SSBP2: variants seen among roughly 807,000 people sequenced by gnomAD.
SSBP2 encodes single-stranded DNA-binding protein 2.
A neutral mutation model predicts 61.8 loss-of-function variants in SSBP2; 17 were observed. The ratio of observed to expected loss-of-function variants is 0.28; its 90% CI spans 0.19 to 0.41. SSBP2 has a LOEUF of 0.41. SSBP2 is among the 10% of genes least tolerant of loss of function. The pLI is 1.00. For synonymous variants in SSBP2, 139 were observed against 141.3 expected (o/e 0.98, Z 0.12); for missense variants, 310 against 458.7 (o/e 0.68, Z 2.96).
intron 4 of SSBP2, among the ~76,000 whole-genome samples, chr5:81,567,207 C>T (rs935865229): frequency 6.6e-6 from 1 of 152,190 alleles, no homozygotes; most frequent in African/African-American, 2.4e-5. Context: ...CATCACAGGC[C>T]CAGAGGCCAA....
intron 1 of SSBP2, among the ~76,000 whole-genome samples, chr5:81,656,376 T>C (rs1448715662): frequency 6.6e-6 from 1 of 152,066 alleles, no homozygotes; most frequent in Non-Finnish European, 1.5e-5. Context: ...AAAAAATACA[T>C]AAAAGTGTTC....
intron 1 of SSBP2, among the ~76,000 whole-genome samples, chr5:81,671,190 T>C (rs1218240965): frequency 6.6e-6 from 1 of 152,212 alleles, no homozygotes; most frequent in African/African-American, 2.4e-5. Flanking sequence ...CCTCTGATTT[T>C]AGAGGATAGA....
chr5:81,592,196 T>A (rs2973344), intron 4 of SSBP2, among the ~76,000 whole-genome samples: 16 of 152,090 alleles, frequency 1.1e-4, no homozygotes, highest in African/African-American at 2.7e-4. Context: ...TATCCCGCAC[T>A]TGGCTCGGAG....
intron 10 of SSBP2, among the ~76,000 whole-genome samples, chr5:81,457,975 T>C (rs907607956): frequency 1.3e-5 from 2 of 152,144 alleles, no homozygotes; most frequent in African/African-American, 4.8e-5. Flanking sequence ...AACCACAAAA[T>C]TACTTCTGTA....
chr5:81,526,181 A>C (rs1010406925), intron 4 of SSBP2, among the ~76,000 whole-genome samples: 1 of 152,068 alleles, frequency 6.6e-6, no homozygotes, highest in African/African-American at 2.4e-5. Flanking sequence ...AATTTACAGA[A>C]ATTAAACTCA....
chr5:81,469,170 C>T (rs1166429246), intron 8 of SSBP2, among the ~76,000 whole-genome samples: 3 of 151,884 alleles, frequency 2.0e-5, no homozygotes, highest in Admixed American at 1.3e-4. Context: ...GTTGCCACTG[C>T]CCCATTGCCT....
intron 11 of SSBP2, 119 bp from the exon 12 acceptor site, chr5:81,447,041 TTTA>T: frequency 1.5e-6 from 1 of 662,346 alleles, no homozygotes. Flanking sequence ...TTTTCTCTAA[TTTA>T]TTTTCTTTGA....
At chr5:81,483,383 G>A (rs569897184) in intron 6 of SSBP2, among the ~76,000 whole-genome samples, 20 of 152,236 alleles carry the variant, frequency 1.3e-4, no homozygotes, top group Admixed American at 1.3e-4. Context: ...TTCACTCATG[G>A]AGACTAAATG....
At chr5:81,518,640 G>C (rs1356140772) in intron 4 of SSBP2, among the ~76,000 whole-genome samples, 2 of 152,008 alleles carry the variant, frequency 1.3e-5, no homozygotes, top group Non-Finnish European at 2.9e-5. Context: ...TAAGACATAA[G>C]CCATCTGTAG....
intron 4 of SSBP2, among the ~76,000 whole-genome samples, chr5:81,515,808 A>G (rs1317447168): frequency 6.6e-6 from 1 of 151,810 alleles, no homozygotes; most frequent in Non-Finnish European, 1.5e-5. Flanking sequence ...ATTACGTAAA[A>G]GCAAAACAAA....
At chr5:81,637,488 C>T (rs1352313890) in intron 2 of SSBP2, among the ~76,000 whole-genome samples, 2 of 152,218 alleles carry the variant, frequency 1.3e-5, no homozygotes, top group Non-Finnish European at 2.9e-5. Flanking sequence ...TGATACATCA[C>T]TTCAAATATC....
chr5:81,599,499 T>C (rs1744129414), intron 4 of SSBP2, among the ~76,000 whole-genome samples: 1 of 152,218 alleles, frequency 6.6e-6, no homozygotes, highest in East Asian at 1.9e-4. Flanking sequence ...CAACAGACAG[T>C]AGTCACAGTC....
chr5:81,751,659 G>C (rs1409299847), upstream of SSBP2: 1 of 154,484 alleles, frequency 6.5e-6, no homozygotes, highest in African/African-American at 2.4e-5. Flanking sequence ...ACCCCGCGCC[G>C]GTACCCACGA....
intron 6 of SSBP2, among the ~76,000 whole-genome samples, chr5:81,479,322 G>A (rs994253012): frequency 1.3e-5 from 2 of 151,592 alleles, no homozygotes; most frequent in Non-Finnish European, 2.9e-5. Context: ...ACGGTGTCTC[G>A]CTCTGTCACC....
intron 4 of SSBP2, among the ~76,000 whole-genome samples, chr5:81,574,994 G>T (rs1774096800): frequency 6.6e-6 from 1 of 152,226 alleles, no homozygotes; most frequent in African/African-American, 2.4e-5. Context: ...CTCAGACCGG[G>T]TGCAGTAGCT....
At chr5:81,555,222 T>A (rs1772504480) in intron 4 of SSBP2, among the ~76,000 whole-genome samples, 1 of 152,072 alleles carries the variant, frequency 6.6e-6, no homozygotes, top group African/African-American at 2.4e-5. Flanking sequence ...TAAAAATAAA[T>A]CACTAATATA....
At position 81,575,129 on chromosome 5, in the gene SSBP2, G is replaced by A. The variant is rs1195718933; in HGVS notation, c.282+40344C>T. On this transcript the variant is annotated intron_variant, in intron 4 of 16. Transcript: ENST00000320672. The stretch of plus-strand genomic sequence containing the variant: ...CTAAAAATACAAAAATTAGCTGGGC[G>A]TGGTGGTGCATGCCTGTAGTCCCAG... Among the ~76,000 whole-genome samples the A allele has an allele frequency of 2.6e-5, 4 of 152,108 alleles. 1 individual carries two copies. In the South Asian group the frequency reaches 6.2e-4, roughly 24 times the overall value.
chr5:81,669,153 C>T (rs1236293556), intron 1 of SSBP2, among the ~76,000 whole-genome samples: 1 of 152,076 alleles, frequency 6.6e-6, no homozygotes, highest in Non-Finnish European at 1.5e-5. Flanking sequence ...TAAAACTTTG[C>T]AAAGTAATTA....
At chr5:81,743,965 T>G (rs1418272598) in intron 1 of SSBP2, among the ~76,000 whole-genome samples, 3 of 152,224 alleles carry the variant, frequency 2.0e-5, no homozygotes, top group Non-Finnish European at 4.4e-5. Flanking sequence ...AGATTTACTT[T>G]TAAACCTGAT....
Sources: allele counts gnomAD v4.1 joint callset (sites outside exome capture counted in the v4.1 genomes callset), GRCh38; gene constraint gnomAD v4.1.1; transcripts MANE v1.5; gene names NCBI Gene and HGNC (gene_info 2026-07-23, HGNC 2026-07-21).